The following C17orf67 variants were observed in gnomAD, a reference collection of about 807,000 sequenced individuals.
C17orf67 encodes uncharacterized protein C17orf67.
A neutral mutation model predicts 11.2 loss-of-function variants in C17orf67; 12 were observed. The observed-to-expected ratio is 1.07, with a 90% CI of 0.68 to 1.73. The LOEUF (loss-of-function observed/expected upper bound fraction) is 1.73, where lower values mean the gene tolerates loss of function less well. Among genes scored for constraint, C17orf67 ranks in the 40% most tolerant of loss-of-function variants. The probability of loss-of-function intolerance (pLI) is 0.00; values close to 1 mark genes in which losing one functional copy is unlikely to be tolerated. For missense variants in C17orf67, 115 were observed against 113.5 expected (o/e 1.01, Z -0.06); for synonymous variants, 59 against 46.9 (o/e 1.26, Z -1.05).
chr17:56,828,698 A>G (rs1033952916), intron 2 of C17orf67, among the ~76,000 whole-genome samples: 3 of 152,152 alleles, frequency 2.0e-5, no homozygotes, highest in African/African-American at 7.2e-5. Flanking sequence ...CTTCTCCCCC[A>G]TCACAGGGAA....
intron 6 of C17orf67, among the ~76,000 whole-genome samples, chr17:56,801,501 G>C (rs955308361): frequency 5.9e-5 from 9 of 152,150 alleles, no homozygotes; most frequent in African/African-American, 2.2e-4. Context: ...AAGGAATTAT[G>C]AAGTGTCCAA....
intron 2 of C17orf67, among the ~76,000 whole-genome samples, chr17:56,831,291 A>G (rs1171321360): frequency 6.6e-6 from 1 of 152,106 alleles, no homozygotes; most frequent in Admixed American, 6.6e-5. Flanking sequence ...CGGGTGCCAG[A>G]GAAAAGGGGA....
chr17:56,820,261 A>G (rs953317932), intron 4 of C17orf67, among the ~76,000 whole-genome samples: 2 of 152,234 alleles, frequency 1.3e-5, no homozygotes, highest in Admixed American at 1.3e-4. Context: ...TCAAACGTTG[A>G]AGGCTATACA....
Position 56,815,812 on chromosome 17 carries a change from C to T in C17orf67, c.-2G>A, listed in dbSNP as rs778380430. On this transcript the variant is annotated 5_prime_UTR_variant, in exon 5 of 8. Transcript: ENST00000397861. ...CACGAGCACAGGCAATGTCTTCATC[C>T]TGCCTTGGTTCCTCTGCCTCTTGCT... 6.2e-7 allele frequency: 1 copy of T among 1,613,900 alleles called. No homozygotes were observed. Among genetic ancestry groups the T allele is most frequent in the Admixed American group, 1.7e-5 (1 of 60,016 alleles).
intron 7 of C17orf67, among the ~76,000 whole-genome samples, chr17:56,793,618 G>A (rs1597984969): frequency 6.6e-6 from 1 of 152,252 alleles, no homozygotes; most frequent in African/African-American, 2.4e-5. Flanking sequence ...TACAGAGGCA[G>A]AAGCAAAGAG....
At chr17:56,832,461 C>T (rs1428766017) in intron 2 of C17orf67, among the ~76,000 whole-genome samples, 1 of 152,192 alleles carries the variant, frequency 6.6e-6, no homozygotes, top group African/African-American at 2.4e-5. Context: ...GATGTAATGT[C>T]TCCTACACAT....
chr17:56,830,083 C>A (rs1185529512), intron 2 of C17orf67, among the ~76,000 whole-genome samples: 1 of 152,100 alleles, frequency 6.6e-6, no homozygotes, highest in African/African-American at 2.4e-5. Flanking sequence ...GTGGCTCACA[C>A]CTGTAATCCC....
In C17orf67 at chr17:56,803,234, C is replaced by A. The variant is rs144185780; in HGVS notation, c.157-8054G>T. Among the ~76,000 whole-genome samples the A allele has an allele frequency of 2.8e-4, 42 of 152,300 alleles. No individual in the cohort carries two copies. The South Asian group carries it at 3.7e-3, about 14-fold the overall frequency. On this transcript the variant is annotated intron_variant, in intron 6 of 7. Coordinates refer to ENST00000397861, the MANE Select transcript of C17orf67 (RefSeq NM_001085430.4). Reference sequence around the variant, plus strand: ...ATGCATGTTTTATGTGCATGTTGGGCAGACATCTTGACAATGAATGAAGTG... The same window carrying A: ...ATGCATGTTTTATGTGCATGTTGGGAAGACATCTTGACAATGAATGAAGTG...
At chr17:56,804,183 G>A (rs920462873) in intron 6 of C17orf67, 1 of 152,160 alleles carries the variant, frequency 6.6e-6, no homozygotes, top group South Asian at 2.1e-4. Context: ...TCAGTAATTA[G>A]AGCAGAAATT....
intron 4 of C17orf67, among the ~76,000 whole-genome samples, chr17:56,823,163 C>A (rs1292911801): frequency 6.6e-6 from 1 of 152,120 alleles, no homozygotes; most frequent in African/African-American, 2.4e-5. Context: ...TACTGTCATA[C>A]GACATTACAT....
At chr17:56,823,993 C>T (rs928900718) in intron 4 of C17orf67, among the ~76,000 whole-genome samples, 6 of 152,186 alleles carry the variant, frequency 3.9e-5, no homozygotes, top group African/African-American at 1.4e-4. Context: ...GATACAAAAG[C>T]TTATTTGTAC....
At chr17:56,796,790 CCT>C (rs942960162) in intron 6 of C17orf67, among the ~76,000 whole-genome samples, 13 of 152,052 alleles carry the variant, frequency 8.5e-5, no homozygotes, top group African/African-American at 3.1e-4. Context: ...CTGTCCCACC[CCT>C]GCGTGTTGCA....
intron 2 of C17orf67, among the ~76,000 whole-genome samples, chr17:56,830,901 G>T (rs1484165362): frequency 6.6e-6 from 1 of 152,244 alleles, no homozygotes; most frequent in Non-Finnish European, 1.5e-5. Context: ...ACATAGGGAA[G>T]AACTTTGTAG....
chr17:56,809,376 C>G (rs1460475649), intron 6 of C17orf67, among the ~76,000 whole-genome samples: 1 of 151,942 alleles, frequency 6.6e-6, no homozygotes, highest in Admixed American at 6.6e-5. Context: ...CCTGGCGATG[C>G]CATCTGCCAT....
chr17:56,816,000 A>C lies in C17orf67; in HGVS notation c.-190T>G, dbSNP rs1415751019. The stretch of plus-strand genomic sequence containing the variant: ...GAAATATTTTCCTCCGAATTCCTGT[A>C]AATTTTCATCCTGAGGAAGGAAATT... On this transcript the variant is annotated 5_prime_UTR_variant, in exon 5 of 8. Transcript: ENST00000397861. 5 of 1,213,968 alleles carry C rather than the reference A, an allele frequency of 4.1e-6. No individual in the cohort carries two copies. The highest frequency in any genetic ancestry group is 5.6e-6 in the Non-Finnish European group (5 of 899,934). The allele number at this position is 1,213,968 out of a possible 1,614,324, so 75.2% of individuals were successfully genotyped here.
chr17:56,826,453 T>A (rs1906034663), intron 2 of C17orf67, among the ~76,000 whole-genome samples: 1 of 152,178 alleles, frequency 6.6e-6, no homozygotes, highest in Non-Finnish European at 1.5e-5. Flanking sequence ...GACACAGATG[T>A]CTGAGGTCCA....
At chr17:56,821,779 C>T (rs964760578) in intron 4 of C17orf67, among the ~76,000 whole-genome samples, 4 of 152,204 alleles carry the variant, frequency 2.6e-5, no homozygotes, top group Admixed American at 2.6e-4. Flanking sequence ...CAAATTTATG[C>T]TCTCTGCCAC....
intron 4 of C17orf67, among the ~76,000 whole-genome samples, chr17:56,817,222 G>A (rs965051718): frequency 6.6e-6 from 1 of 152,116 alleles, no homozygotes; most frequent in African/African-American, 2.4e-5. Flanking sequence ...ATAAAATTCT[G>A]TATTCAGAGA....
chr17:56,819,177 A>G (rs1905837959), intron 4 of C17orf67, among the ~76,000 whole-genome samples: 1 of 152,008 alleles, frequency 6.6e-6, no homozygotes, highest in African/African-American at 2.4e-5. Flanking sequence ...CCTCCTGCTC[A>G]CTGCCATCTG....
Sources: gnomAD v4.1 joint callset for allele counts (sites outside exome capture counted in the v4.1 genomes callset) on GRCh38, gnomAD v4.1.1 for gene constraint, MANE v1.5 for transcripts, NCBI Gene and HGNC (gene_info 2026-07-23, HGNC 2026-07-21) for gene names.